The following LTBP1 variants were observed in gnomAD, a reference collection of about 807,000 sequenced individuals.
LTBP1 encodes latent-transforming growth factor beta-binding protein 1.
In LTBP1, 129 loss-of-function variants were observed where a neutral mutation model predicts 207.6. The observed-to-expected ratio is 0.62, with a 90% CI of 0.54 to 0.72. LTBP1 has a LOEUF of 0.72. LTBP1 is among the 30% of genes least tolerant of loss of function. The probability of loss-of-function intolerance (pLI) is 0.00; values close to 1 mark genes in which losing one functional copy is unlikely to be tolerated. For missense variants in LTBP1, 2,281 were observed against 2,217.2 expected, an observed-to-expected ratio of 1.03 and a Z score of -0.58; for synonymous variants, 963 against 833.7, an observed-to-expected ratio of 1.16 and a Z score of -2.67.
At chr2:33,093,475 CTTT>C (rs200017698) in intron 3 of LTBP1, among the ~76,000 whole-genome samples, 41 of 150,696 alleles carry the variant, frequency 2.7e-4, no homozygotes, top group African/African-American at 9.5e-4. Flanking sequence ...GTTTTTTTTT[CTTT>C]TTTTTGGCAA....
intron 3 of LTBP1, among the ~76,000 whole-genome samples, chr2:33,108,707 C>T (rs1473497706): frequency 3.3e-5 from 5 of 152,064 alleles, no homozygotes; most frequent in Non-Finnish European, 4.4e-5. Flanking sequence ...CATCTCTCAG[C>T]GGGTCAGAGT....
chr2:33,260,853 G>C (rs1258177446), intron 13 of LTBP1, among the ~76,000 whole-genome samples: 1 of 152,130 alleles, frequency 6.6e-6, no homozygotes, highest in Non-Finnish European at 1.5e-5. Flanking sequence ...CAGTTCTTCT[G>C]TCTTTATGAT....
At chr2:33,197,945 A>G (rs1365820067) in intron 7 of LTBP1, among the ~76,000 whole-genome samples, 1 of 152,204 alleles carries the variant, frequency 6.6e-6, no homozygotes, top group African/African-American at 2.4e-5. Flanking sequence ...AAAATTTTAC[A>G]TATAAATACC....
At chr2:33,314,331 C>G (rs2094232724) in intron 23 of LTBP1, among the ~76,000 whole-genome samples, 1 of 152,162 alleles carries the variant, frequency 6.6e-6, no homozygotes, top group South Asian at 2.1e-4. Context: ...AGGAGGATCA[C>G]TTGAGGCCAG....
At position 33,186,944 on chromosome 2, in the gene LTBP1, T is replaced by C. The variant is rs1445021578; in HGVS notation, c.1290T>C (p.Cys430=). 6.2e-7 allele frequency: 1 copy of C among 1,614,208 alleles called. No individual in the cohort carries two copies. Among genetic ancestry groups the C allele is most frequent in the Admixed American group, 1.7e-5 (1 of 60,022 alleles). The change falls in exon 6 of 34, where the codon TGT becomes TGC. Residue 430 remains cysteine, a synonymous_variant. Transcript: ENST00000404816. ...CTCCAAATTTCACAGGAAAACTTTG[T>C]CAGATCCCAGTCCATGGTGCCAGCG... is the stretch of plus-strand genomic sequence containing the variant. ...QCPPNFTGKL[C]QIPVHGASVP...
chr2:33,180,700 C>G (rs1462724612), intron 5 of LTBP1, among the ~76,000 whole-genome samples: 1 of 152,108 alleles, frequency 6.6e-6, no homozygotes, highest in Non-Finnish European at 1.5e-5. Flanking sequence ...AAGTGATCTG[C>G]CTGCCTGGGC....
At chr2:33,160,698 T>G (rs2084386187) in intron 5 of LTBP1, among the ~76,000 whole-genome samples, 1 of 152,216 alleles carries the variant, frequency 6.6e-6, no homozygotes, top group Non-Finnish European at 1.5e-5. Context: ...GCCTCGTGAT[T>G]AGTTGCAGTT....
intron 3 of LTBP1, among the ~76,000 whole-genome samples, chr2:33,067,569 C>A (rs2149705110): frequency 6.6e-6 from 1 of 152,334 alleles, no homozygotes; most frequent in African/African-American, 2.4e-5. Context: ...CAAATGGCAT[C>A]TGTACTGAAC....
Position 33,134,493 on chromosome 2 carries a change from G to A in LTBP1, c.1034-300G>A. The A allele has an allele frequency of 7.7e-7, 1 of 1,293,130 alleles. No homozygotes were observed. 80.1% of individuals were successfully genotyped at this position (1,293,130 alleles called of 1,614,324 possible). On this transcript the variant is annotated intron_variant, in intron 4 of 33. Coordinates refer to ENST00000404816, the MANE Select transcript of LTBP1 (RefSeq NM_206943.4). The surrounding 1 kb of genome is among the most constrained non-coding windows in gnomAD (Gnocchi z 4.4). ...TGCTCTTTGTCTGCCCGTGAATAAAGTGCAGCATTGTGGTTAGTAATCCCA... is the reference window on the plus strand; with the variant it reads ...TGCTCTTTGTCTGCCCGTGAATAAAATGCAGCATTGTGGTTAGTAATCCCA...
intron 26 of LTBP1, among the ~76,000 whole-genome samples, chr2:33,358,494 G>A (rs1383754334): frequency 1.3e-5 from 2 of 151,722 alleles, no homozygotes; most frequent in Non-Finnish European, 2.9e-5. Context: ...TTGGACTCGA[G>A]AAGCCTATAG....
chr2:32,959,584 T>C (rs1484596398), intron 2 of LTBP1, among the ~76,000 whole-genome samples: 1 of 139,142 alleles, frequency 7.2e-6, no homozygotes, highest in Non-Finnish European at 1.5e-5. Context: ...TGTATATGTA[T>C]ATATATGTAC....
chr2:33,176,106 G>A (rs965402259), intron 5 of LTBP1, among the ~76,000 whole-genome samples: 1 of 151,328 alleles, frequency 6.6e-6, no homozygotes, highest in African/African-American at 2.4e-5. Flanking sequence ...GTATACATAC[G>A]TAACTAACCT....
chr2:33,111,452 G>GGTT (rs1388269641), intron 4 of LTBP1, among the ~76,000 whole-genome samples: 4 of 152,200 alleles, frequency 2.6e-5, no homozygotes, highest in Admixed American at 2.6e-4. Context: ...GCAGCTTCCT[G>GGTT]CCCTGTCACA....
intron 25 of LTBP1, among the ~76,000 whole-genome samples, chr2:33,345,770 T>A (rs1274576843): frequency 6.6e-6 from 1 of 152,204 alleles, no homozygotes; most frequent in East Asian, 1.9e-4. Flanking sequence ...CTGGAATGAT[T>A]TAGATAATTG....
intron 5 of LTBP1, among the ~76,000 whole-genome samples, chr2:33,158,648 G>A (rs150617366): frequency 7.2e-4 from 110 of 152,298 alleles, no homozygotes; most frequent in Middle Eastern, 6.8e-3. Context: ...GTTGTCGAAG[G>A]AGGCACCTTC....
In LTBP1 at chr2:33,297,046, G is replaced by T. The variant is rs369336059; in HGVS notation, c.3236-3405G>T. ...TGTGTGGCTAACTCTGCTTGTGTGC[G>T]TCTGGGAAAGCTTCACAAAGGTATT... On this transcript the variant is annotated intron_variant, in intron 20 of 33. Transcript: ENST00000404816. 3.2e-4 allele frequency among the ~76,000 whole-genome samples: 49 copies of T among 152,250 alleles called. No individual in the cohort carries two copies. The South Asian group carries it at 8.7e-3, about 27-fold the overall frequency.
rs969454304 is a variant in LTBP1, at chr2:33,320,040, G to C, written c.3730+4771G>C. ...ACAGCAAAAGATCCCCACTTACTTA[G>C]AGGCAATAACTAATAGATAACTAAG... On this transcript the variant is annotated intron_variant, in intron 24 of 33. Coordinates refer to ENST00000404816, the MANE Select transcript of LTBP1 (RefSeq NM_206943.4). Among the ~76,000 whole-genome samples the C allele has an allele frequency of 2.0e-5, 3 of 152,148 alleles. No homozygotes were observed. The East Asian group carries it at 5.8e-4, about 29-fold the overall frequency.
chr2:33,368,058 A>T (rs1028954745), intron 31 of LTBP1, among the ~76,000 whole-genome samples: 3 of 152,056 alleles, frequency 2.0e-5, no homozygotes, highest in African/African-American at 7.2e-5. Flanking sequence ...CTACTAAAAA[A>T]TAGCCGGGCC....
intron 31 of LTBP1, among the ~76,000 whole-genome samples, chr2:33,386,860 T>C (rs1574116417): frequency 7.1e-6 from 1 of 141,522 alleles, no homozygotes; most frequent in East Asian, 2.2e-4. Flanking sequence ...AGACGGAGTC[T>C]CGCTCTATCA....
Sources: gnomAD v4.1 joint callset for allele counts (sites outside exome capture counted in the v4.1 genomes callset) on GRCh38, gnomAD v4.1.1 for gene constraint, Gnocchi (gnomAD v3.1) non-coding constraint, MANE v1.5 for transcripts, NCBI Gene and HGNC (gene_info 2026-07-23, HGNC 2026-07-21) for gene names.